The following CLIP1 variants were observed in gnomAD, a reference collection of about 807,000 sequenced individuals.
The protein encoded by CLIP1 is CAP-Gly domain containing linker protein 1.
A neutral mutation model predicts 161.6 loss-of-function variants in CLIP1; 66 were observed. The observed-to-expected ratio is 0.41, with a 90% CI of 0.33 to 0.50. The LOEUF is 0.50. Among genes scored for constraint, CLIP1 ranks in the 20% least tolerant of loss-of-function variants. The pLI is 0.27. For synonymous variants in CLIP1, 598 were observed against 626.2 expected (o/e 0.96, Z 0.67); for missense variants, 1,376 against 1,702.0 (o/e 0.81, Z 3.37).
rs557924076 is a variant in CLIP1, at chr12:122,272,339, G to A, written c.*536C>T. The A allele has an allele frequency of 1.3e-5, 2 of 155,142 alleles. No homozygotes were observed. The highest frequency in any genetic ancestry group is 4.8e-5 in the African/African-American group (2 of 41,424). The allele number at this position is 155,142 out of a possible 1,614,324, so 9.6% of individuals were successfully genotyped here. On this transcript the variant is annotated 3_prime_UTR_variant, in exon 26 of 26. Transcript: ENST00000620786. ...ACACCTAAGTATTATCAAGCCTGAAGTAAAGGCACTACTGATAACAGGTAG... is the reference window on the plus strand; with the variant it reads ...ACACCTAAGTATTATCAAGCCTGAAATAAAGGCACTACTGATAACAGGTAG...
At chr12:122,391,803 C>CA (rs1857650563) in intron 1 of CLIP1, among the ~76,000 whole-genome samples, 1 of 152,174 alleles carries the variant, frequency 6.6e-6, no homozygotes, top group Non-Finnish European at 1.5e-5. Flanking sequence ...AAAACACCAG[C>CA]ACCTGGGGGA....
chr12:122,285,930 G>T (rs1289220262), intron 21 of CLIP1, among the ~76,000 whole-genome samples: 1 of 151,692 alleles, frequency 6.6e-6, no homozygotes, highest in Non-Finnish European at 1.5e-5. Context: ...AGACAGAATT[G>T]TGGCTATAAA....
intron 8 of CLIP1, 70 bp downstream of exon 8, chr12:122,352,656 G>A (rs1953097760): frequency 5.3e-6 from 7 of 1,326,252 alleles, no homozygotes; most frequent in South Asian, 1.2e-5. Context: ...ATTTCAATTG[G>A]TGCATTATTT....
rs71082979 is a variant in CLIP1, at chr12:122,390,172, G to GATATATATATAT, written c.-106-9626_-106-9615dup. ...TTTTCTAATAAATTACACAGTCTCAGATATATATATATATATATATATATA... is the reference window on the plus strand; with the variant it reads ...TTTTCTAATAAATTACACAGTCTCAGATATATATATATATATATATATATATATATATATATA... On this transcript the variant is annotated intron_variant, in intron 1 of 25. Transcript: ENST00000620786. 8.0e-3 allele frequency among the ~76,000 whole-genome samples: 746 copies of GATATATATATAT among 93,454 alleles called. 9 individuals carry two copies. The highest frequency in any genetic ancestry group is 0.012 in the Non-Finnish European group (574 of 45,954). 61.3% of individuals were successfully genotyped at this position (93,454 alleles called of 152,430 possible). A position where few individuals can be genotyped will look rare whatever the true frequency, so the allele number is the denominator to read the frequency against.
intron 20 of CLIP1, among the ~76,000 whole-genome samples, chr12:122,307,456 A>G (rs1487324200): frequency 1.3e-5 from 2 of 152,206 alleles, no homozygotes; most frequent in African/African-American, 4.8e-5. Flanking sequence ...GAGAGAACCT[A>G]GGTCGTGGGT....
At chr12:122,278,378 T>C in intron 23 of CLIP1, 175 bp from the exon 24 acceptor site, 1 of 648,528 alleles carries the variant, frequency 1.5e-6, no homozygotes, top group Non-Finnish European at 2.7e-6. Context: ...TGCGGGACCC[T>C]ACAGGGTCTC....
chr12:122,301,182 T>TA (rs1262058834), intron 20 of CLIP1, among the ~76,000 whole-genome samples: 1 of 152,174 alleles, frequency 6.6e-6, no homozygotes, highest in Non-Finnish European at 1.5e-5. Flanking sequence ...AACAATGCTG[T>TA]AAAGGACGTT....
chr12:122,345,018 T>C (rs1414593768), intron 10 of CLIP1, among the ~76,000 whole-genome samples: 1 of 152,052 alleles, frequency 6.6e-6, no homozygotes, highest in Non-Finnish European at 1.5e-5. Flanking sequence ...AATTGTTTGC[T>C]GACAAAACTA....
At chr12:122,294,197 T>C (rs1334179782) in intron 20 of CLIP1, among the ~76,000 whole-genome samples, 4 of 149,746 alleles carry the variant, frequency 2.7e-5, no homozygotes, top group Middle Eastern at 3.5e-3. Flanking sequence ...GGTGTGGTGG[T>C]GGGTGCCTGT....
At chr12:122,281,855 A>T (rs1356196326) in intron 21 of CLIP1, among the ~76,000 whole-genome samples, 2 of 151,648 alleles carry the variant, frequency 1.3e-5, no homozygotes, top group African/African-American at 4.9e-5. Flanking sequence ...TGTTTTTACT[A>T]AAAAAAACCA....
chr12:122,393,912 C>A (rs868414150), intron 1 of CLIP1, among the ~76,000 whole-genome samples: 224 of 63,108 alleles, frequency 3.5e-3, no homozygotes, highest in East Asian at 0.021. Flanking sequence ...ATTCTGTCTC[C>A]AAAAAAAAAA....
chr12:122,308,077 A>G (rs901911539), intron 20 of CLIP1, among the ~76,000 whole-genome samples: 1 of 152,252 alleles, frequency 6.6e-6, no homozygotes, highest in African/African-American at 2.4e-5. Flanking sequence ...TCTCTACTGC[A>G]AAAGAGAACA....
chr12:122,294,322 C>G (rs1230169773), intron 20 of CLIP1, among the ~76,000 whole-genome samples: 2 of 108,720 alleles, frequency 1.8e-5, no homozygotes, highest in African/African-American at 3.3e-5. Context: ...GTGCAAGACT[C>G]TGTCTCAAAA....
At chr12:122,309,653 G>T in intron 20 of CLIP1, 109 bp downstream of exon 20, 1 of 1,312,216 alleles carries the variant, frequency 7.6e-7, no homozygotes, top group Non-Finnish European at 1.1e-6. Flanking sequence ...ATTCCATTTG[G>T]AATGACCCCA....
At chr12:122,392,408 AAGG>A (rs1327049667) in intron 1 of CLIP1, among the ~76,000 whole-genome samples, 1 of 152,232 alleles carries the variant, frequency 6.6e-6, no homozygotes, top group Non-Finnish European at 1.5e-5. Context: ...CTGCCTCATT[AAGG>A]TAAGAATATT....
intron 20 of CLIP1, among the ~76,000 whole-genome samples, chr12:122,306,590 C>T (rs1950883551): frequency 6.6e-6 from 1 of 152,134 alleles, no homozygotes; most frequent in African/African-American, 2.4e-5. Flanking sequence ...CACCTGACCA[C>T]AAAGGGGCAG....
At position 122,355,379 on chromosome 12, in the gene CLIP1, A is replaced by G; in HGVS notation, c.1006-67T>C. On this transcript the variant is annotated intron_variant, in intron 5 of 25. Transcript: ENST00000620786. This position sits in a 1 kb window ranked among gnomAD's most constrained non-coding sequence, Gnocchi z 4.1. Reference sequence around the variant, plus strand: ...CAGAAAAGCGAGGGAGGCGCGATGCATGCATGGCGGGCATCTGCTCGGCAA... The same window carrying G: ...CAGAAAAGCGAGGGAGGCGCGATGCGTGCATGGCGGGCATCTGCTCGGCAA... 1 of 1,432,996 alleles carries G rather than the reference A, an allele frequency of 7.0e-7. No homozygotes were observed. Among genetic ancestry groups the G allele is most frequent in the South Asian group, 1.2e-5 (1 of 81,902 alleles). 88.8% of individuals were successfully genotyped at this position (1,432,996 alleles called of 1,614,324 possible).
At chr12:122,370,965 A>G (rs1954421299) in intron 3 of CLIP1, among the ~76,000 whole-genome samples, 1 of 113,810 alleles carries the variant, frequency 8.8e-6, no homozygotes, top group Non-Finnish European at 1.8e-5. Flanking sequence ...CTCAAAAAAA[A>G]AAAAGAAAAA....
chr12:122,361,336 G>C (rs1428692283), intron 4 of CLIP1, among the ~76,000 whole-genome samples, 155 bp from the exon 5 acceptor site: 1 of 152,248 alleles, frequency 6.6e-6, no homozygotes, highest in African/African-American at 2.4e-5. Flanking sequence ...GCAGTCACAT[G>C]TATGTAGGCT....
Sources: gnomAD v4.1 joint callset for allele counts (sites outside exome capture counted in the v4.1 genomes callset) on GRCh38, gnomAD v4.1.1 for gene constraint, Gnocchi (gnomAD v3.1) non-coding constraint, MANE v1.5 for transcripts, NCBI Gene and HGNC (gene_info 2026-07-23, HGNC 2026-07-21) for gene names.